Variants in ARID1B observed in about 807,000 individuals in gnomAD.
The protein encoded by ARID1B is AT-rich interaction domain 1B, also known as AT-rich interactive domain-containing protein 1B.
A neutral mutation model predicts 212.3 loss-of-function variants in ARID1B; 30 were observed. The observed-to-expected ratio is 0.14, with a 90% CI of 0.11 to 0.19. The LOEUF (loss-of-function observed/expected upper bound fraction) is 0.19, where lower values mean the gene tolerates loss of function less well. Among genes scored for constraint, ARID1B ranks in the 10% least tolerant of loss-of-function variants. The pLI is 1.00. For synonymous variants in ARID1B, 1,402 were observed against 1,301.7 expected (o/e 1.08, Z -1.66); for missense variants, 2,891 against 3,204.0 (o/e 0.90, Z 2.36).
In ARID1B at chr6:157,209,898, T is replaced by C. The variant is rs1794681917; in HGVS notation, c.*2007T>C. ...GTTACTGTGTAATAATCGATTTCTT[T>C]GAAACTGCTGCATAATTATGCTGTT... On this transcript the variant is annotated 3_prime_UTR_variant, in exon 20 of 20. Coordinates refer to ENST00000636930, the MANE Select transcript of ARID1B (RefSeq NM_001374828.1). 1 of 233,248 alleles carries C rather than the reference T, an allele frequency of 4.3e-6. No individual in the cohort carries two copies. The highest frequency in any genetic ancestry group is 8.5e-6 in the Non-Finnish European group (1 of 118,048). 14.4% of individuals were successfully genotyped at this position (233,248 alleles called of 1,614,324 possible).
At chr6:157,127,810 A>T (rs1449870664) in intron 6 of ARID1B, among the ~76,000 whole-genome samples, 1 of 148,454 alleles carries the variant, frequency 6.7e-6, no homozygotes, top group Non-Finnish European at 1.5e-5. Flanking sequence ...AAAAAAACAA[A>T]AATTAGCCAG....
At chr6:156,873,222 T>C (rs1477064178) in intron 2 of ARID1B, among the ~76,000 whole-genome samples, 1 of 152,184 alleles carries the variant, frequency 6.6e-6, no homozygotes, top group Non-Finnish European at 1.5e-5. Flanking sequence ...AATTTTCATA[T>C]CATATTTAAT....
chr6:156,895,458 G>A (rs144511541), intron 2 of ARID1B, among the ~76,000 whole-genome samples: 25 of 152,314 alleles, frequency 1.6e-4, no homozygotes, highest in Non-Finnish European at 3.2e-4. Flanking sequence ...AAAGGCCTGG[G>A]AAGTGATTGG....
chr6:156,894,787 A>G (rs1469813796), intron 2 of ARID1B, among the ~76,000 whole-genome samples: 1 of 152,242 alleles, frequency 6.6e-6, no homozygotes, highest in Non-Finnish European at 1.5e-5. Flanking sequence ...AGGAGGTTCT[A>G]ATATCTGTTC....
chr6:156,813,783 C>T (rs1781777117), intron 1 of ARID1B, among the ~76,000 whole-genome samples: 1 of 152,212 alleles, frequency 6.6e-6, no homozygotes, highest in Non-Finnish European at 1.5e-5. Context: ...CCAGAGCTTA[C>T]AGCGCTTTGC....
At chr6:156,820,344 G>A (rs562197096) in intron 1 of ARID1B, among the ~76,000 whole-genome samples, 84 of 152,286 alleles carry the variant, frequency 5.5e-4, no homozygotes, top group Non-Finnish European at 9.1e-4. Flanking sequence ...TATTGAGGAA[G>A]CTGTTCCTTT....
chr6:156,894,296 G>A (rs1788207831), intron 2 of ARID1B, among the ~76,000 whole-genome samples: 1 of 147,062 alleles, frequency 6.8e-6, no homozygotes, highest in African/African-American at 2.5e-5. Context: ...CGGGGGGTTG[G>A]GATGGGGGCC....
At chr6:157,035,498 T>C (rs1302268130) in intron 4 of ARID1B, among the ~76,000 whole-genome samples, 1 of 152,216 alleles carries the variant, frequency 6.6e-6, no homozygotes, top group East Asian at 1.9e-4. Context: ...ACATGTAATC[T>C]TTTTTCCTTT....
intron 2 of ARID1B, among the ~76,000 whole-genome samples, chr6:156,892,802 ATTAG>A (rs777367359): frequency 6.6e-6 from 1 of 152,218 alleles, no homozygotes; most frequent in Non-Finnish European, 1.5e-5. Context: ...TATACATTTA[ATTAG>A]TTCTTTTCAA....
At chr6:156,818,123 TTA>T (rs1491103848) in intron 1 of ARID1B, among the ~76,000 whole-genome samples, 2 of 148,916 alleles carry the variant, frequency 1.3e-5, no homozygotes, top group African/African-American at 4.9e-5. Flanking sequence ...TTTTTTTTTT[TTA>T]GAATATAAGA....
chr6:157,174,541 T>C (rs192343204), intron 10 of ARID1B, among the ~76,000 whole-genome samples: 15 of 151,934 alleles, frequency 9.9e-5, no homozygotes, highest in East Asian at 9.7e-4. Context: ...AGCTTTTTTT[T>C]TTTCTTTCTT....
At chr6:156,811,613 G>GCTC (rs1781557285) in intron 1 of ARID1B, among the ~76,000 whole-genome samples, 1 of 152,158 alleles carries the variant, frequency 6.6e-6, no homozygotes, top group Non-Finnish European at 1.5e-5. Context: ...TGTGCAGGGG[G>GCTC]AGAGAGAGGA....
At position 156,779,436 on chromosome 6, in the gene ARID1B, C is replaced by T; in HGVS notation, c.1756C>T (p.Pro586Ser). 3.4e-6 allele frequency: 5 copies of T among 1,463,476 alleles called. No homozygotes were observed. Among genetic ancestry groups the T allele is most frequent in the Non-Finnish European group, 4.5e-6 (5 of 1,104,942 alleles). The allele number at this position is 1,463,476 out of a possible 1,614,324, so 90.7% of individuals were successfully genotyped here. Residue 586 changes from proline to serine, a missense_variant, in exon 1 of 20, where the codon CCC becomes TCC. Physicochemically the swap from Pro to Ser is moderately conservative, Grantham distance 74 (BLOSUM62 -1). Coordinates refer to ENST00000636930, the MANE Select transcript of ARID1B (RefSeq NM_001374828.1). ...ACAAAGGAGTCACCCGGCGATGAGC[C>T]CCGGCACCCCCGGACCGACCATGGG... Reference protein sequence around the residue: ...AQQRSHPAMSPGTPGPTMGRS... With the variant: ...AQQRSHPAMSSGTPGPTMGRS...
chr6:156,824,135 T>C (rs147741442), intron 1 of ARID1B, among the ~76,000 whole-genome samples: 18 of 152,320 alleles, frequency 1.2e-4, no homozygotes, highest in East Asian at 7.7e-4. Context: ...CCTACTTACA[T>C]GTACATCCAA....
At chr6:157,126,550 G>A (rs1788149224) in intron 6 of ARID1B, among the ~76,000 whole-genome samples, 1 of 152,060 alleles carries the variant, frequency 6.6e-6, no homozygotes, top group Non-Finnish European at 1.5e-5. Flanking sequence ...TACAGCGCAG[G>A]ACTCAAAACT....
chr6:157,021,166 G>A (rs1024537922), intron 4 of ARID1B, among the ~76,000 whole-genome samples: 1 of 152,048 alleles, frequency 6.6e-6, no homozygotes, highest in Non-Finnish European at 1.5e-5. Flanking sequence ...CCGCTTTCAG[G>A]CCGCCAGCTC....
rs764861177 is a variant in ARID1B, at chr6:157,189,673, C to T, written c.3951C>T (p.Thr1317=). ...ANSGSLQGPQ[T]PQSTGSNSMA... ...CGGGATCCTTGCAAGGCCCACAGACCCCCCAGTCAACTGGCAGCAATTCCA... is the reference window on the plus strand; with the variant it reads ...CGGGATCCTTGCAAGGCCCACAGACTCCCCAGTCAACTGGCAGCAATTCCA... The change falls in exon 14 of 20, where the codon ACC becomes ACT. Residue 1317 remains threonine (T), a synonymous_variant. Transcript: ENST00000636930. The T allele has an allele frequency of 2.5e-6, 4 of 1,613,552 alleles. No homozygotes were observed. Among genetic ancestry groups the T allele is most frequent in the Middle Eastern group, 1.7e-4 (1 of 6,060 alleles).
At chr6:156,816,584 G>C (rs1781978807) in intron 1 of ARID1B, among the ~76,000 whole-genome samples, 1 of 152,198 alleles carries the variant, frequency 6.6e-6, no homozygotes, top group Admixed American at 6.5e-5. Context: ...AGAGAGCTGT[G>C]GGGAACGGTG....
intron 2 of ARID1B, among the ~76,000 whole-genome samples, chr6:156,831,389 T>C (rs1783128687): frequency 6.6e-6 from 1 of 152,240 alleles, no homozygotes; most frequent in African/African-American, 2.4e-5. Context: ...CTTTTCAGCA[T>C]GTTTCCCTGA....
Sources: allele counts gnomAD v4.1 joint callset (sites outside exome capture counted in the v4.1 genomes callset), GRCh38; gene constraint gnomAD v4.1.1; transcripts MANE v1.5; gene names NCBI Gene and HGNC (gene_info 2026-07-23, HGNC 2026-07-21).